Variants in TMEM39A observed in about 807,000 individuals in gnomAD.
The protein encoded by TMEM39A is transmembrane protein 39A.
Under a neutral mutation model 51.9 loss-of-function variants are expected in TMEM39A, and 19 were observed. The ratio of observed to expected loss-of-function variants is 0.37; its 90% confidence interval spans 0.26 to 0.54. The LOEUF is 0.54. Among genes scored for constraint, TMEM39A ranks in the 20% least tolerant of loss-of-function variants. The pLI is 0.88. For missense variants in TMEM39A, 433 were observed against 590.5 expected (o/e 0.73, Z 2.76); for synonymous variants, 197 against 220.2 (o/e 0.89, Z 0.93).
intron 3 of TMEM39A, among the ~76,000 whole-genome samples, chr3:119,453,042 T>C (rs2081220334): frequency 6.6e-6 from 1 of 152,228 alleles, no homozygotes; most frequent in Non-Finnish European, 1.5e-5. Context: ...GTATGCCTTA[T>C]GTTTGGTCTC....
chr3:119,460,898 TTAGA>T (rs2081327569), intron 2 of TMEM39A, among the ~76,000 whole-genome samples: 1 of 152,228 alleles, frequency 6.6e-6, no homozygotes, highest in Non-Finnish European at 1.5e-5. Context: ...AATACCTATA[TTAGA>T]TAGTACCTTT....
In TMEM39A at chr3:119,437,745, A is replaced by AACCACTT; in HGVS notation, c.924+3_924+9dup. 2 of 1,513,888 alleles carry AACCACTT rather than the reference A, an allele frequency of 1.3e-6. No individual in the cohort carries two copies. Among genetic ancestry groups the AACCACTT allele is most frequent in the Non-Finnish European group, 1.8e-6 (2 of 1,125,198 alleles). 93.8% of individuals were successfully genotyped at this position (1,513,888 alleles called of 1,614,324 possible). A position where few individuals can be genotyped will look rare whatever the true frequency, so the allele number is the denominator to read the frequency against. Reference sequence around the variant, plus strand: ...TCCAGGAAGCACATAAAAGTAAGATAACCACTTACCTTCACAAAACACAGG... The same window carrying AACCACTT: ...TCCAGGAAGCACATAAAAGTAAGATAACCACTTACCACTTACCTTCACAAAACACAGG... On this transcript the variant is annotated intron_variant, in intron 6 of 8. Coordinates refer to ENST00000319172, the MANE Select transcript of TMEM39A (RefSeq NM_018266.3).
At chr3:119,436,702 G>C in intron 7 of TMEM39A, 89 bp downstream of exon 7, 1 of 1,384,220 alleles carries the variant, frequency 7.2e-7, no homozygotes, top group Non-Finnish European at 9.9e-7. Flanking sequence ...AATGTTCAAA[G>C]CCAAGAACAA....
At position 119,430,395 on chromosome 3, in the gene TMEM39A, C is replaced by T. The variant is rs1438953285; in HGVS notation, c.*1586G>A. The T allele has an allele frequency of 6.6e-6, 1 of 152,064 alleles. No individual in the cohort carries two copies. Among genetic ancestry groups the T allele is most frequent in the Non-Finnish European group, 1.5e-5 (1 of 68,002 alleles). The allele number at this position is 152,064 out of a possible 1,614,324, so 9.4% of individuals were successfully genotyped here. A position where few individuals can be genotyped will look rare whatever the true frequency, so the allele number is the denominator to read the frequency against. On this transcript the variant is annotated 3_prime_UTR_variant, in exon 9 of 9. Coordinates refer to ENST00000319172, the MANE Select transcript of TMEM39A (RefSeq NM_018266.3). ...CCCTTTGCTACACTTATCACTACTA[C>T]CAGGGAATGTTATATTACACATAAA...
chr3:119,443,810 A>G (rs2081088200), intron 5 of TMEM39A, among the ~76,000 whole-genome samples: 1 of 151,964 alleles, frequency 6.6e-6, no homozygotes, highest in African/African-American at 2.4e-5. Context: ...CCAGTCCCCT[A>G]GGATTGCTTG....
chr3:119,438,437 T>G (rs1406282248), intron 5 of TMEM39A, among the ~76,000 whole-genome samples: 1 of 152,254 alleles, frequency 6.6e-6, no homozygotes, highest in South Asian at 2.1e-4. Flanking sequence ...TAGTTACATA[T>G]GCTTTTTTCC....
At chr3:119,461,893 G>T in intron 2 of TMEM39A, 69 bp downstream of exon 2, 1 of 1,199,276 alleles carries the variant, frequency 8.3e-7, no homozygotes, top group Non-Finnish European at 1.2e-6. Context: ...TGAATGACAT[G>T]ATGACTTTTA....
At position 119,447,181 on chromosome 3, in the gene TMEM39A, T is replaced by C; in HGVS notation, c.421-9A>G. The C allele has an allele frequency of 1.2e-6, 2 of 1,605,988 alleles. No individual in the cohort carries two copies. Among genetic ancestry groups the C allele is most frequent in the Non-Finnish European group, 1.7e-6 (2 of 1,177,096 alleles). ...GCACCTGCCTTAGTAGCCTGAAAGTTTGGAAGCACCAAAATGAACATTTTG... is the reference window on the plus strand; with the variant it reads ...GCACCTGCCTTAGTAGCCTGAAAGTCTGGAAGCACCAAAATGAACATTTTG... On this transcript the variant is annotated splice_polypyrimidine_tract_variant and intron_variant, in intron 4 of 8. Transcript: ENST00000319172.
At chr3:119,444,653 T>C (rs886223443) in intron 5 of TMEM39A, among the ~76,000 whole-genome samples, 1 of 152,212 alleles carries the variant, frequency 6.6e-6, no homozygotes, top group Non-Finnish European at 1.5e-5. Flanking sequence ...GCAGTAATTC[T>C]CAAACTTGAG....
intron 3 of TMEM39A, among the ~76,000 whole-genome samples, chr3:119,453,674 T>C (rs1030539920): frequency 1.5e-4 from 23 of 152,302 alleles, no homozygotes; most frequent in Admixed American, 6.5e-4. Flanking sequence ...AAGAAGCATA[T>C]TGGGGATGGA....
At chr3:119,438,269 G>A in intron 5 of TMEM39A, among the ~76,000 whole-genome samples, 166 bp from the exon 6 acceptor site, 1 of 152,160 alleles carries the variant, frequency 6.6e-6, no homozygotes, top group Non-Finnish European at 1.5e-5. Flanking sequence ...TATCTGGGGA[G>A]CTCTTCAATT....
chr3:119,453,323 A>G (rs2081223206), intron 3 of TMEM39A, among the ~76,000 whole-genome samples: 1 of 152,190 alleles, frequency 6.6e-6, no homozygotes, highest in African/African-American at 2.4e-5. Context: ...CCTTCACACT[A>G]AAGATACAGT....
intron 5 of TMEM39A, among the ~76,000 whole-genome samples, chr3:119,444,143 G>GAGTA (rs55933038): frequency 0.83 from 126,191 of 151,658 alleles, 52,765 homozygotes; most frequent in African/African-American, 0.91. Context: ...GAGCCTCTAA[G>GAGTA]AGTAAGTTTC....
In TMEM39A at chr3:119,438,010, T is replaced by C; in HGVS notation, c.669A>G (p.Ala223=). The part of the protein sequence containing the change: ...TDYNYVVQHE[A]VEESASTVGG... The stretch of plus-strand genomic sequence containing the variant: ...CCACAGTCGAGGCACTTTCCTCTAC[T>C]GCCTCGTGCTGAACCACATAGTTGT... The change falls in exon 6 of 9, where the codon GCA becomes GCG. Residue 223 remains alanine (A), a synonymous_variant. Coordinates refer to ENST00000319172, the MANE Select transcript of TMEM39A (RefSeq NM_018266.3). The C allele has an allele frequency of 6.2e-7, 1 of 1,614,172 alleles. No homozygotes were observed. Among genetic ancestry groups the C allele is most frequent in the Non-Finnish European group, 8.5e-7 (1 of 1,180,012 alleles).
At position 119,429,763 on chromosome 3, in the gene TMEM39A, A is replaced by G. The variant is rs1465919067; in HGVS notation, c.*2218T>C. On this transcript the variant is annotated 3_prime_UTR_variant, in exon 9 of 9. Transcript: ENST00000319172. Reference sequence around the variant, plus strand: ...AGGTGAGGGTAGGAGGAACTTTGCAATTCCATTAGCCAAAATTAATTTTTA... The same window carrying G: ...AGGTGAGGGTAGGAGGAACTTTGCAGTTCCATTAGCCAAAATTAATTTTTA... 2 of 152,126 alleles carry G rather than the reference A, an allele frequency of 1.3e-5. No homozygotes were observed. Among genetic ancestry groups the G allele is most frequent in the Non-Finnish European group, 2.9e-5 (2 of 67,998 alleles). 9.4% of individuals were successfully genotyped at this position (152,126 alleles called of 1,614,324 possible).
At chr3:119,435,656 A>C in intron 7 of TMEM39A, 1 of 983,556 alleles carries the variant, frequency 1.0e-6, no homozygotes, top group Non-Finnish European at 1.2e-6. Flanking sequence ...AAGAACTGGG[A>C]GGCAGTTTAG....
intron 5 of TMEM39A, among the ~76,000 whole-genome samples, chr3:119,446,148 T>C (rs1275653077): frequency 6.6e-6 from 1 of 152,258 alleles, no homozygotes; most frequent in Non-Finnish European, 1.5e-5. Flanking sequence ...AGAAGATTCA[T>C]TCTTACAGTA....
At chr3:119,435,429 T>A (rs1253330745) in intron 7 of TMEM39A, 1 of 981,126 alleles carries the variant, frequency 1.0e-6, no homozygotes, top group Admixed American at 6.2e-5. Context: ...GCGATACATC[T>A]CACACACACA....
At chr3:119,451,325 G>A in intron 4 of TMEM39A, 1 of 1,282,924 alleles carries the variant, frequency 7.8e-7, no homozygotes, top group Non-Finnish European at 1.0e-6. Flanking sequence ...GACCTTCCAT[G>A]TATGTTTTGG....
Sources: gnomAD v4.1 joint callset for allele counts (sites outside exome capture counted in the v4.1 genomes callset) on GRCh38, gnomAD v4.1.1 for gene constraint, MANE v1.5 for transcripts, NCBI Gene and HGNC (gene_info 2026-07-23, HGNC 2026-07-21) for gene names.